CYP19A1: variants seen among roughly 807,000 people sequenced by gnomAD.
CYP19A1 encodes cytochrome P450 family 19 subfamily A member 1, also known as aromatase.
CYP19A1 carries 32 observed loss-of-function variants against 44.4 expected under a neutral mutation model. The observed-to-expected ratio is 0.72, with a 90% CI of 0.54 to 0.97. The LOEUF (loss-of-function observed/expected upper bound fraction) is 0.97, where lower values mean the gene tolerates loss of function less well. CYP19A1 is among the 50% of genes least tolerant of loss of function. CYP19A1 has a pLI of 0.00. For missense variants in CYP19A1, 598 were observed against 637.8 expected (o/e 0.94, Z 0.67); for synonymous variants, 212 against 215.6 (o/e 0.98, Z 0.14).
intron 1 of CYP19A1, among the ~76,000 whole-genome samples, chr15:51,319,894 T>A (rs2036496938): frequency 6.6e-6 from 1 of 152,228 alleles, no homozygotes; most frequent in Non-Finnish European, 1.5e-5. Flanking sequence ...TGTCTGCCAA[T>A]GGAAATTATA....
At chr15:51,242,679 T>G in intron 2 of CYP19A1, 89 bp downstream of exon 2, 1 of 817,276 alleles carries the variant, frequency 1.2e-6, no homozygotes, top group East Asian at 2.6e-5. Context: ...GGTTTGCTTT[T>G]TGTCCTTTTG....
chr15:51,230,908 C>T (rs2032978949), intron 3 of CYP19A1, among the ~76,000 whole-genome samples: 1 of 152,158 alleles, frequency 6.6e-6, no homozygotes, highest in Non-Finnish European at 1.5e-5. Context: ...AGGTGTGAGC[C>T]ACTGCACCCG....
At chr15:51,300,918 C>G (rs2036099426) in intron 1 of CYP19A1, among the ~76,000 whole-genome samples, 1 of 151,700 alleles carries the variant, frequency 6.6e-6, no homozygotes, top group South Asian at 2.1e-4. Flanking sequence ...TTATTGAAGG[C>G]CAGCAAAATG....
At chr15:51,238,798 T>G (rs1161969593) in intron 2 of CYP19A1, among the ~76,000 whole-genome samples, 1 of 152,188 alleles carries the variant, frequency 6.6e-6, no homozygotes, top group Non-Finnish European at 1.5e-5. Flanking sequence ...AACCAGAGTT[T>G]TGAGTCCCTA....
intron 1 of CYP19A1, among the ~76,000 whole-genome samples, chr15:51,296,797 C>G (rs1314169608): frequency 6.6e-6 from 1 of 152,092 alleles, no homozygotes; most frequent in East Asian, 1.9e-4. Flanking sequence ...TTTTCATATT[C>G]CTGTTTGTAA....
Position 51,242,761 on chromosome 15 carries a change from G to C in CYP19A1, c.145+7C>G, listed in dbSNP as rs2141123214. The C allele has an allele frequency of 6.6e-7, 1 of 1,518,228 alleles. No individual in the cohort carries two copies. Among genetic ancestry groups the C allele is most frequent in the African/African-American group, 1.4e-5 (1 of 72,972 alleles). 94.0% of individuals were successfully genotyped at this position (1,518,228 alleles called of 1,614,324 possible). ...TCCTTAGATACAGAAATAAATGACTGACTTACCTGGTATTGAGGATGTGCC... is the reference window on the plus strand; with the variant it reads ...TCCTTAGATACAGAAATAAATGACTCACTTACCTGGTATTGAGGATGTGCC... On this transcript the variant is annotated splice_region_variant and intron_variant, in intron 2 of 9. Transcript: ENST00000396402.
rs189609341 is a variant in CYP19A1 at position 51,290,427 on chromosome 15, T to C, written c.-38-47477A>G. Among the ~76,000 whole-genome samples, 3 of 152,306 alleles carry C rather than the reference T, an allele frequency of 2.0e-5. No individual in the cohort carries two copies. The East Asian group carries it at 5.8e-4, about 29-fold the overall frequency. ...GTAAGAGCCCTTTTTTATTCCTAAG[T>C]CTTCAGAAGAGTGAAAAAGGTCTTC... On this transcript the variant is annotated intron_variant, in intron 1 of 9. Coordinates refer to ENST00000396402, the MANE Select transcript of CYP19A1 (RefSeq NM_000103.4).
chr15:51,326,551 C>G (rs887013420), intron 1 of CYP19A1, among the ~76,000 whole-genome samples: 2 of 152,102 alleles, frequency 1.3e-5, no homozygotes, highest in African/African-American at 4.8e-5. Flanking sequence ...CAGATTTGTC[C>G]AAAATCATGC....
chr15:51,212,673 T>C, intron 8 of CYP19A1, 112 bp from the exon 9 acceptor site: 1 of 756,790 alleles, frequency 1.3e-6, no homozygotes, highest in Non-Finnish European at 2.3e-6. Context: ...TGAAAAAAAT[T>C]GTGGCTCTAA....
chr15:51,230,303 T>A (rs1430523989), intron 3 of CYP19A1, among the ~76,000 whole-genome samples: 1 of 152,224 alleles, frequency 6.6e-6, no homozygotes, highest in Non-Finnish European at 1.5e-5. Context: ...GCAAGTGTTA[T>A]ACTGATTATT....
In CYP19A1 at chr15:51,223,484, A is replaced by G. The variant is rs113784935; in HGVS notation, c.452-959T>C. ...TTTATTATTCAGGTTTGCTGTTAAC[A>G]TCAGAGTCTTTGAAATGAGATGAAA... On this transcript the variant is annotated intron_variant, in intron 4 of 9. Transcript: ENST00000396402. Among the ~76,000 whole-genome samples, 626 of 152,100 alleles carry G rather than the reference A, an allele frequency of 4.1e-3. 5 individuals carry two copies. Among genetic ancestry groups the G allele is most frequent in the African/African-American group, 0.015 (606 of 41,518 alleles).
At position 51,299,587 on chromosome 15, in the gene CYP19A1, C is replaced by A. The variant is rs150275509; in HGVS notation, c.-39+38908G>T. Reference sequence around the variant, plus strand: ...TCAAATTCTGTGTTTGCAGACCTAACTGTGCCTTTGCAAACAAAAGGCCAT... The same window carrying A: ...TCAAATTCTGTGTTTGCAGACCTAAATGTGCCTTTGCAAACAAAAGGCCAT... On this transcript the variant is annotated intron_variant, in intron 1 of 9. Coordinates refer to ENST00000396402, the MANE Select transcript of CYP19A1 (RefSeq NM_000103.4). Among the ~76,000 whole-genome samples, 7 of 152,342 alleles carry A rather than the reference C, an allele frequency of 4.6e-5. No individual in the cohort carries two copies. The East Asian group carries it at 1.3e-3, about 29-fold the overall frequency.
At chr15:51,225,875 G>A (rs1467703787) in intron 4 of CYP19A1, among the ~76,000 whole-genome samples, 1 of 151,894 alleles carries the variant, frequency 6.6e-6, no homozygotes, top group Non-Finnish European at 1.5e-5. Flanking sequence ...AAATCATGAG[G>A]TCAGGAGATC....
chr15:51,267,539 A>G (rs943428579), intron 1 of CYP19A1, among the ~76,000 whole-genome samples: 46 of 152,084 alleles, frequency 3.0e-4, no homozygotes, highest in Admixed American at 6.5e-5. Context: ...CGCCGCCCCC[A>G]CGTCCGTGGC....
At chr15:51,231,864 G>A (rs72727167) in intron 3 of CYP19A1, among the ~76,000 whole-genome samples, 3,528 of 151,912 alleles carry the variant, frequency 0.023, 63 homozygotes, top group Non-Finnish European at 0.035. Flanking sequence ...AATCCCCAAC[G>A]ACCCGGACCT....
At chr15:51,310,313 G>A (rs1052546443) in intron 1 of CYP19A1, among the ~76,000 whole-genome samples, 1 of 152,176 alleles carries the variant, frequency 6.6e-6, no homozygotes, top group Non-Finnish European at 1.5e-5. Flanking sequence ...GACCAATATG[G>A]TGATGGTGAA....
At chr15:51,310,662 T>G (rs994588974) in intron 1 of CYP19A1, among the ~76,000 whole-genome samples, 4 of 152,176 alleles carry the variant, frequency 2.6e-5, no homozygotes, top group Non-Finnish European at 5.9e-5. Context: ...GAGTCCTCAC[T>G]TTTTTCCCCT....
intron 3 of CYP19A1, among the ~76,000 whole-genome samples, chr15:51,236,320 T>A (rs28757175): frequency 0.029 from 4,357 of 152,322 alleles, 196 homozygotes; most frequent in African/African-American, 0.099. Flanking sequence ...GCTCAGTTGC[T>A]TGGCAGGAGA....
chr15:51,301,874 ATAT>A (rs1398478979), intron 1 of CYP19A1, among the ~76,000 whole-genome samples: 1 of 152,252 alleles, frequency 6.6e-6, no homozygotes, highest in East Asian at 1.9e-4. Context: ...ATTTGCACAA[ATAT>A]TATAAAAGTT....
Sources: gnomAD v4.1 joint callset for allele counts (sites outside exome capture counted in the v4.1 genomes callset) on GRCh38, gnomAD v4.1.1 for gene constraint, MANE v1.5 for transcripts, NCBI Gene and HGNC (gene_info 2026-07-23, HGNC 2026-07-21) for gene names.